The following TPTE variants were observed in gnomAD, a reference collection of about 807,000 sequenced individuals.
The protein encoded by TPTE is transmembrane phosphatase with tensin homology, also known as putative tyrosine-protein phosphatase TPTE.
Under a neutral mutation model 84.1 loss-of-function variants are expected in TPTE, and 59 were observed. The observed-to-expected ratio is 0.70, with a 90% CI of 0.57 to 0.87. The LOEUF is 0.87. Among genes scored for constraint, TPTE ranks in the 40% least tolerant of loss-of-function variants. The pLI is 0.00. For synonymous variants in TPTE, 130 were observed against 223.5 expected (o/e 0.58, Z 3.73); for missense variants, 382 against 659.6 (o/e 0.58, Z 4.61).
chr21:10,598,752 G>A (rs575221465), intron 21 of TPTE, among the ~76,000 whole-genome samples: 131 of 152,002 alleles, frequency 8.6e-4, no homozygotes, highest in African/African-American at 3.0e-3. Context: ...TACCTTTTCT[G>A]AAACAGAAAG....
At chr21:10,527,571 G>T (rs552894526) in intron 3 of TPTE, among the ~76,000 whole-genome samples, 159 bp downstream of exon 3, 14 of 152,424 alleles carry the variant, frequency 9.2e-5, no homozygotes, top group African/African-American at 3.4e-4. Flanking sequence ...CTCAAAGATT[G>T]TTTGTGACTC....
chr21:10,529,770 TG>T (rs2074143919), intron 3 of TPTE, among the ~76,000 whole-genome samples: 1 of 152,306 alleles, frequency 6.6e-6, no homozygotes, highest in African/African-American at 2.4e-5. Context: ...TTAATATCCA[TG>T]TTGGGGGGAG....
chr21:10,593,655 G>T (rs1227178786), intron 19 of TPTE, among the ~76,000 whole-genome samples: 1 of 152,308 alleles, frequency 6.6e-6, no homozygotes, highest in Admixed American at 6.5e-5. Flanking sequence ...TCATAAATTA[G>T]AAAATTGAGG....
intron 1 of TPTE, among the ~76,000 whole-genome samples, chr21:10,521,934 C>A (rs1164812278): frequency 1.3e-5 from 2 of 152,264 alleles, no homozygotes; most frequent in Middle Eastern, 3.2e-3. Context: ...CCTCCCCGTC[C>A]CCTCCTCTCC....
chr21:10,578,963 A>T (rs1412959318), intron 17 of TPTE, among the ~76,000 whole-genome samples: 2 of 152,308 alleles, frequency 1.3e-5, no homozygotes, highest in Non-Finnish European at 2.9e-5. Context: ...TTTAAGGCTG[A>T]TCTTTTTTAT....
rs770984507 is a variant in TPTE, at chr21:10,590,526, A to G, written c.1089+3A>G. On this transcript the variant is annotated splice_donor_region_variant and intron_variant, in intron 18 of 23. Transcript: ENST00000618007. ...CTGAAATATGTTCAACTGCAAAGGTATGAAAGATGTTCTACAAACTTTGTC... is the reference window on the plus strand; with the variant it reads ...CTGAAATATGTTCAACTGCAAAGGTGTGAAAGATGTTCTACAAACTTTGTC... 4.3e-6 allele frequency: 7 copies of G among 1,613,936 alleles called. No homozygotes were observed. The highest frequency in any genetic ancestry group is 2.7e-5 in the African/African-American group (2 of 74,962).
At chr21:10,586,048 T>G (rs11909660) in intron 17 of TPTE, among the ~76,000 whole-genome samples, 74 of 151,056 alleles carry the variant, frequency 4.9e-4, no homozygotes, top group African/African-American at 1.6e-3. Flanking sequence ...ATTTGTGGTC[T>G]CTATTTTTTA....
In TPTE at chr21:10,554,596, G is replaced by GA. The variant is rs1402708598; in HGVS notation, c.233+1880_233+1881insA. Among the ~76,000 whole-genome samples, 13 of 152,418 alleles carry GA rather than the reference G, an allele frequency of 8.5e-5. No individual in the cohort carries two copies. In the East Asian group the frequency reaches 1.7e-3, roughly 20 times the overall value. The stretch of plus-strand genomic sequence containing the variant: ...CCTTTTTCTATTTTATGTAATATAA[G>GA]CAATTTCTCCCAGGTTGTCTTGCTT... On this transcript the variant is annotated intron_variant, in intron 8 of 23. Transcript: ENST00000618007.
At chr21:10,542,492 A>G (rs1325790115) in intron 6 of TPTE, 44 bp downstream of exon 6, 2 of 1,603,528 alleles carry the variant, frequency 1.2e-6, no homozygotes, top group Non-Finnish European at 1.7e-6. Flanking sequence ...ATAAGTGTGC[A>G]TAGAACTATA....
At chr21:10,565,599 T>C (rs2074904287) in intron 10 of TPTE, among the ~76,000 whole-genome samples, 1 of 152,308 alleles carries the variant, frequency 6.6e-6, no homozygotes, top group Non-Finnish European at 1.5e-5. Flanking sequence ...TTACCTGACT[T>C]CAAATTATAC....
intron 17 of TPTE, among the ~76,000 whole-genome samples, chr21:10,582,179 C>A (rs2145744982): frequency 6.6e-6 from 1 of 152,430 alleles, no homozygotes; most frequent in South Asian, 2.1e-4. Context: ...TATTCAAGTT[C>A]CATTTTCAAT....
At chr21:10,555,467 A>G (rs1184640348) in intron 8 of TPTE, among the ~76,000 whole-genome samples, 2 of 152,304 alleles carry the variant, frequency 1.3e-5, no homozygotes, top group Non-Finnish European at 2.9e-5. Flanking sequence ...TGGCCACCCA[A>G]AGTGCTGGGA....
intron 9 of TPTE, among the ~76,000 whole-genome samples, chr21:10,560,005 T>TC (rs1340126954): frequency 2.0e-5 from 3 of 152,298 alleles, no homozygotes; most frequent in East Asian, 3.8e-4. Context: ...ATTTCCACTG[T>TC]CCATCAGTTG....
rs1978600735 is a variant in TPTE, at chr21:10,602,075, A to C, written c.1374A>C (p.Thr458=). Residue 458 remains threonine, a synonymous_variant, in exon 22 of 24, where the codon ACA becomes ACC. Coordinates refer to ENST00000618007, the MANE Select transcript of TPTE (RefSeq NM_199261.4). ...LGKCSVLDNI[T]TDKILIDVFD... Reference sequence around the variant, plus strand: ...ATTCATAGGTACTTGATAACATTACAACAGACAAAATATTAATTGATGTAT... The same window carrying C: ...ATTCATAGGTACTTGATAACATTACCACAGACAAAATATTAATTGATGTAT... 2 of 1,612,830 alleles carry C rather than the reference A, an allele frequency of 1.2e-6. No homozygotes were observed. Among genetic ancestry groups the C allele is most frequent in the Admixed American group, 3.3e-5 (2 of 60,010 alleles).
At chr21:10,568,877 G>A (rs2074981131) in intron 11 of TPTE, among the ~76,000 whole-genome samples, 1 of 152,312 alleles carries the variant, frequency 6.6e-6, no homozygotes, top group African/African-American at 2.4e-5. Context: ...TGCTTCAGTG[G>A]TTCTGATGGT....
chr21:10,561,434 T>C (rs535363158), intron 10 of TPTE, among the ~76,000 whole-genome samples: 20 of 152,258 alleles, frequency 1.3e-4, no homozygotes, highest in Middle Eastern at 3.4e-3. Flanking sequence ...AGAAGTTGCA[T>C]TGAGCCGAGA....
At chr21:10,597,412 C>CTTT (rs146272836) in intron 20 of TPTE, among the ~76,000 whole-genome samples, 926 of 139,334 alleles carry the variant, frequency 6.6e-3, no homozygotes, top group African/African-American at 0.023. Context: ...TTTCTTTTTT[C>CTTT]TTTTTTTTTT....
At chr21:10,550,973 T>G (rs1326655798) in intron 7 of TPTE, among the ~76,000 whole-genome samples, 2 of 152,302 alleles carry the variant, frequency 1.3e-5, no homozygotes, top group African/African-American at 2.4e-5. Flanking sequence ...TACAGACATA[T>G]GGAAATTAAA....
intron 21 of TPTE, 43 bp from the exon 22 acceptor site, chr21:10,602,015 T>C: frequency 6.3e-7 from 1 of 1,586,024 alleles, no homozygotes; most frequent in Non-Finnish European, 8.7e-7. Context: ...ATTGTTATCA[T>C]TATCTAGGTT....
Sources: allele counts gnomAD v4.1 joint callset (sites outside exome capture counted in the v4.1 genomes callset), GRCh38; gene constraint gnomAD v4.1.1; transcripts MANE v1.5; gene names NCBI Gene and HGNC (gene_info 2026-07-23, HGNC 2026-07-21).